Variants in NAT16 observed in about 807,000 individuals in gnomAD.
NAT16 encodes the protein N-acetyltransferase 16 (putative).
A neutral mutation model predicts 15.9 loss-of-function variants in NAT16; 16 were observed. The observed-to-expected ratio is 1.01, with a 90% CI of 0.68 to 1.53. NAT16 has a LOEUF of 1.53. Among genes scored for constraint, NAT16 ranks in the 40% most tolerant of loss-of-function variants. The pLI is 0.00. For missense variants in NAT16, 572 were observed against 508.4 expected (o/e 1.13, Z -1.20); for synonymous variants, 260 against 241.9 (o/e 1.07, Z -0.69).
rs903251834 is a variant in NAT16, at chr7:101,171,851, C to T, written c.*228G>A. ...CCACCCCCAGCCCCCACCTAATAGT[C>T]CGCAAGTTCAGGTCAGGGAGTGGGC... On this transcript the variant is annotated 3_prime_UTR_variant, in exon 4 of 4. Coordinates refer to ENST00000300303, the MANE Select transcript of NAT16 (RefSeq NM_198571.3). The T allele has an allele frequency of 9.4e-6, 5 of 529,366 alleles. No homozygotes were observed. In the Admixed American group the frequency reaches 1.1e-4, roughly 12 times the overall value. The allele number at this position is 529,366 out of a possible 1,614,324, so 32.8% of individuals were successfully genotyped here.
In NAT16 at chr7:101,172,036, A is replaced by C; in HGVS notation, c.*43T>G. 1 of 1,393,044 alleles carries C rather than the reference A, an allele frequency of 7.2e-7. No homozygotes were observed. The highest frequency in any genetic ancestry group is 1.0e-6 in the Non-Finnish European group (1 of 999,308). 86.3% of individuals were successfully genotyped at this position (1,393,044 alleles called of 1,614,324 possible). Reference sequence around the variant, plus strand: ...AAGAGGCTGGCTGGGGAAACTGCGGAAGGGGGCGGGTCTTTTTCCCCCTCC... The same window carrying C: ...AAGAGGCTGGCTGGGGAAACTGCGGCAGGGGGCGGGTCTTTTTCCCCCTCC... On this transcript the variant is annotated 3_prime_UTR_variant, in exon 4 of 4. Coordinates refer to ENST00000300303, the MANE Select transcript of NAT16 (RefSeq NM_198571.3). This position sits in a 1 kb window ranked among gnomAD's most constrained non-coding sequence, Gnocchi z 4.2.
chr7:101,177,490 G>A (rs1457616297), intron 1 of NAT16, among the ~76,000 whole-genome samples: 1 of 152,118 alleles, frequency 6.6e-6, no homozygotes, highest in Non-Finnish European at 1.5e-5. Flanking sequence ...CTACAGGCAT[G>A]TGCCACCACA....
Position 101,172,418 on chromosome 7 carries a change from G to C in NAT16, c.771C>G (p.Arg257=), listed in dbSNP as rs1220603994. 1 of 1,585,712 alleles carries C rather than the reference G, an allele frequency of 6.3e-7. No individual in the cohort carries two copies. Among genetic ancestry groups the C allele is most frequent in the East Asian group, 2.3e-5 (1 of 43,446 alleles). Residue 257 remains arginine, a synonymous_variant, in exon 4 of 4, where the codon CGC becomes CGG. Transcript: ENST00000300303. This position sits in a 1 kb window ranked among gnomAD's most constrained non-coding sequence, Gnocchi z 4.2. ...ACTCCAGGCCCTTGGCCGCCAGCAG[G>C]CGCAGGTTGCTTTCGCTAGGCCGGT... ...QPYRPSESNL[R]LLAAKGLEWR...
At chr7:101,173,699 A>G in intron 2 of NAT16, 179 bp from the exon 3 acceptor site, 1 of 555,414 alleles carries the variant, frequency 1.8e-6, no homozygotes, top group Non-Finnish European at 3.1e-6. Flanking sequence ...CAGAACAGTC[A>G]TTCGCCGGGG....
At chr7:101,175,408 C>T (rs1305187934) in intron 1 of NAT16, among the ~76,000 whole-genome samples, 1 of 152,008 alleles carries the variant, frequency 6.6e-6, no homozygotes. Flanking sequence ...ACCTGGCCCA[C>T]ACCCTTTCTT....
chr7:101,173,237 G>T, intron 3 of NAT16, 59 bp downstream of exon 3: 3 of 1,428,708 alleles, frequency 2.1e-6, no homozygotes, highest in Non-Finnish European at 3.0e-6. Flanking sequence ...GGGTGGGGAG[G>T]GTCTCCCCAT....
In NAT16 at chr7:101,174,485, C is replaced by G; in HGVS notation, c.312+11G>C. On this transcript the variant is annotated intron_variant, in intron 2 of 3. Transcript: ENST00000300303. ...CACCCCATGTCACCTGGGCCGTGCC[C>G]CCGGGCTCACCACGCCTCCGTTGCG... The G allele has an allele frequency of 6.2e-7, 1 of 1,604,766 alleles. No homozygotes were observed. Among genetic ancestry groups the G allele is most frequent in the Non-Finnish European group, 8.5e-7 (1 of 1,176,242 alleles).
chr7:101,173,820 C>T lies in NAT16; in HGVS notation c.313-300G>A, dbSNP rs967586039. ...CTCACTGCAGCCTCAAACTCCTGGG[C>T]TCAAGCGATCCCCTACACCCCCAAG... On this transcript the variant is annotated intron_variant, in intron 2 of 3. Coordinates refer to ENST00000300303, the MANE Select transcript of NAT16 (RefSeq NM_198571.3). The T allele has an allele frequency of 4.9e-5, 21 of 426,754 alleles. No individual in the cohort carries two copies. The Admixed American group carries it at 7.4e-4, about 15-fold the overall frequency. The allele number at this position is 426,754 out of a possible 1,614,324, so 26.4% of individuals were successfully genotyped here.
chr7:101,174,391 C>T lies in NAT16; in HGVS notation c.312+105G>A, dbSNP rs150290726. 4.6e-4 allele frequency: 650 copies of T among 1,403,100 alleles called. 8 individuals carry two copies. The African/African-American group carries it at 8.4e-3, about 18-fold the overall frequency. The allele number at this position is 1,403,100 out of a possible 1,614,324, so 86.9% of individuals were successfully genotyped here. On this transcript the variant is annotated intron_variant, in intron 2 of 3. Transcript: ENST00000300303. The stretch of plus-strand genomic sequence containing the variant: ...CCAAAGCAGGCTCTATTTCCGCAGC[C>T]TCCAGAGGAAGGCTGGGGAGAAGCT...
At chr7:101,174,432 C>G (rs1797418506) in intron 2 of NAT16, 64 bp downstream of exon 2, 1 of 1,495,346 alleles carries the variant, frequency 6.7e-7, no homozygotes, top group Admixed American at 2.3e-5. Context: ...CCTCCTCTTC[C>G]TAAGATCCAC....
chr7:101,174,090 C>T, intron 2 of NAT16: 1 of 316,930 alleles, frequency 3.2e-6, no homozygotes, highest in South Asian at 9.6e-5. Context: ...GCTCACCACG[C>T]CCCTTCCTTG....
chr7:101,172,322 T>C lies in NAT16; in HGVS notation c.867A>G (p.Gly289=). 1 of 1,606,850 alleles carries C rather than the reference T, an allele frequency of 6.2e-7. No individual in the cohort carries two copies. ...TGAGATAGCGCCAAGTGCCGTCCCC[T>C]CCGTGCGGGATGGGGAAGGGGCGCG... is the stretch of plus-strand genomic sequence containing the variant. ...LCTRPFPIPH[G]GDGTWRYLNI... The change falls in exon 4 of 4, where the codon GGA becomes GGG. Residue 289 remains glycine, a synonymous_variant. Coordinates refer to ENST00000300303, the MANE Select transcript of NAT16 (RefSeq NM_198571.3). This position sits in a 1 kb window ranked among gnomAD's most constrained non-coding sequence, Gnocchi z 4.2.
rs567588687 is a variant in NAT16, at chr7:101,179,718, C to T, written c.-5+324G>A. Among the ~76,000 whole-genome samples the T allele has an allele frequency of 1.3e-3, 198 of 151,964 alleles. 1 individual carries two copies. The highest frequency in any genetic ancestry group is 4.6e-3 in the African/African-American group (190 of 41,450). The stretch of plus-strand genomic sequence containing the variant: ...TTCCCGAGTGAGGGTCTTCCCTCTG[C>T]CTCTACCCCGGATTGGGGGCTTGGG... On this transcript the variant is annotated intron_variant, in intron 1 of 3. Coordinates refer to ENST00000300303, the MANE Select transcript of NAT16 (RefSeq NM_198571.3).
chr7:101,179,633 G>A (rs1797547370), intron 1 of NAT16, among the ~76,000 whole-genome samples: 1 of 147,798 alleles, frequency 6.8e-6, no homozygotes, highest in South Asian at 2.2e-4. Flanking sequence ...GCCAAAGGGG[G>A]TGGGGGGAGG....
rs757562142 is a variant in NAT16, at chr7:101,174,478, C to T, written c.312+18G>A. On this transcript the variant is annotated intron_variant, in intron 2 of 3. Transcript: ENST00000300303. ...GTGGCTTCACCCCATGTCACCTGGG[C>T]CGTGCCCCCGGGCTCACCACGCCTC... 3 of 1,597,142 alleles carry T rather than the reference C, an allele frequency of 1.9e-6. No individual in the cohort carries two copies. Among genetic ancestry groups the T allele is most frequent in the African/African-American group, 2.7e-5 (2 of 74,494 alleles).
At chr7:101,173,197 C>CAG (rs1797375771) in intron 3 of NAT16, 99 bp downstream of exon 3, 3 of 1,116,498 alleles carry the variant, frequency 2.7e-6, no homozygotes, top group South Asian at 2.6e-5. Flanking sequence ...CGGTAAAGCC[C>CAG]AGAGAGAGAG....
rs1797430533 is a variant in NAT16, at chr7:101,174,785, C to CCA, written c.21_22dup (p.Gly8ValfsTer98). On this transcript the variant is annotated frameshift_variant, in exon 2 of 4. Coordinates refer to ENST00000300303, the MANE Select transcript of NAT16 (RefSeq NM_198571.3). LOFTEE classifies it high-confidence loss of function. The stretch of plus-strand genomic sequence containing the variant: ...CTTAGGGACCTCTGAGGTGGCTGTG[C>CCA]CACAGCTGGCTTCCAGCTTCATGAC... 2 of 1,577,940 alleles carry CCA rather than the reference C, an allele frequency of 1.3e-6. No homozygotes were observed. The highest frequency in any genetic ancestry group is 2.7e-5 in the African/African-American group (2 of 74,034).
At position 101,174,476 on chromosome 7, in the gene NAT16, G is replaced by A. The variant is rs1310121960; in HGVS notation, c.312+20C>T. On this transcript the variant is annotated intron_variant, in intron 2 of 3. Coordinates refer to ENST00000300303, the MANE Select transcript of NAT16 (RefSeq NM_198571.3). The stretch of plus-strand genomic sequence containing the variant: ...AGGTGGCTTCACCCCATGTCACCTG[G>A]GCCGTGCCCCCGGGCTCACCACGCC... 1 of 1,596,586 alleles carries A rather than the reference G, an allele frequency of 6.3e-7. No homozygotes were observed.
At chr7:101,177,365 C>G (rs1056690898) in intron 1 of NAT16, among the ~76,000 whole-genome samples, 1 of 151,924 alleles carries the variant, frequency 6.6e-6, no homozygotes, top group Non-Finnish European at 1.5e-5. Flanking sequence ...TCTTTTGAGT[C>G]GGGGTCTCGC....
Sources: gnomAD v4.1 joint callset for allele counts (sites outside exome capture counted in the v4.1 genomes callset) on GRCh38, gnomAD v4.1.1 for gene constraint, Gnocchi (gnomAD v3.1) non-coding constraint, MANE v1.5 for transcripts, NCBI Gene and HGNC (gene_info 2026-07-23, HGNC 2026-07-21) for gene names.